SLC4A10: variants seen among roughly 807,000 people sequenced by gnomAD.
The protein encoded by SLC4A10 is sodium-driven chloride bicarbonate exchanger.
Under a neutral mutation model 137.7 loss-of-function variants are expected in SLC4A10, and 42 were observed. The observed-to-expected ratio is 0.30, with a 90% confidence interval of 0.24 to 0.39. The LOEUF (loss-of-function observed/expected upper bound fraction) is 0.39. Ranked by LOEUF, SLC4A10 falls within the 10% of genes least tolerant of loss-of-function variation. The pLI is 1.00. For missense variants in SLC4A10, 925 were observed against 1,355.0 expected, an observed-to-expected ratio of 0.68 and a Z score of 4.98; for synonymous variants, 474 against 464.1, an observed-to-expected ratio of 1.02 and a Z score of -0.27.
intron 1 of SLC4A10, among the ~76,000 whole-genome samples, chr2:161,649,146 C>A (rs548694559): frequency 8.8e-4 from 134 of 152,242 alleles, no homozygotes; most frequent in Admixed American, 2.4e-3. Flanking sequence ...GGTGGTGGAT[C>A]CCTTTGACTC....
At chr2:161,937,113 A>T (rs545381873) in intron 15 of SLC4A10, among the ~76,000 whole-genome samples, 1 of 152,128 alleles carries the variant, frequency 6.6e-6, no homozygotes, top group South Asian at 2.1e-4. Context: ...GTTGAGGAGT[A>T]TGTTGTTTAA....
chr2:161,660,565 T>TTTCTTTCG (rs1558968723), intron 1 of SLC4A10, among the ~76,000 whole-genome samples: 2 of 82,152 alleles, frequency 2.4e-5, no homozygotes, highest in South Asian at 7.0e-4. Flanking sequence ...TATTTCTTTC[T>TTTCTTTCG]TTCTTTCTTT....
At chr2:161,915,312 C>A (rs1268530451) in intron 15 of SLC4A10, among the ~76,000 whole-genome samples, 1 of 152,190 alleles carries the variant, frequency 6.6e-6, no homozygotes, top group Non-Finnish European at 1.5e-5. Flanking sequence ...AAATTCTTTG[C>A]ATTCACCATC....
intron 3 of SLC4A10, among the ~76,000 whole-genome samples, chr2:161,824,268 A>G (rs1404464036): frequency 2.0e-5 from 3 of 152,206 alleles, no homozygotes; most frequent in Admixed American, 1.3e-4. Context: ...AAGCATCGTC[A>G]ATAATGTGGA....
intron 4 of SLC4A10, among the ~76,000 whole-genome samples, chr2:161,848,613 C>T (rs1233990859): frequency 1.3e-5 from 2 of 152,230 alleles, no homozygotes; most frequent in African/African-American, 4.8e-5. Flanking sequence ...AGCCAGTTAT[C>T]CCAGCAGCAT....
chr2:161,769,760 T>A (rs1263206350), intron 1 of SLC4A10, among the ~76,000 whole-genome samples: 1 of 151,864 alleles, frequency 6.6e-6, no homozygotes, highest in Non-Finnish European at 1.5e-5. Context: ...AAGATTGAGA[T>A]ATTGAAATTT....
intron 15 of SLC4A10, among the ~76,000 whole-genome samples, chr2:161,916,209 C>G (rs541710416): frequency 2.0e-5 from 3 of 152,260 alleles, no homozygotes; most frequent in Admixed American, 6.5e-5. Flanking sequence ...GTATTTTAGT[C>G]CATTTATGTT....
At chr2:161,785,104 A>T (rs1207947975) in intron 2 of SLC4A10, among the ~76,000 whole-genome samples, 4 of 151,792 alleles carry the variant, frequency 2.6e-5, no homozygotes, top group African/African-American at 9.7e-5. Context: ...TCTATGATAA[A>T]CAATTATATG....
chr2:161,826,653 G>A (rs62187702), intron 3 of SLC4A10, among the ~76,000 whole-genome samples: 10,123 of 152,220 alleles, frequency 0.067, 446 homozygotes, highest in East Asian at 0.15. Context: ...AAAGATAGAA[G>A]TTTGCTAAGG....
intron 1 of SLC4A10, among the ~76,000 whole-genome samples, chr2:161,736,553 A>G (rs985737978): frequency 6.6e-6 from 1 of 152,180 alleles, no homozygotes; most frequent in African/African-American, 2.4e-5. Context: ...TTCACAAGGT[A>G]GCAGGAAAGA....
chr2:161,975,694 C>T (rs1017372305), intron 24 of SLC4A10, among the ~76,000 whole-genome samples: 7 of 152,196 alleles, frequency 4.6e-5, no homozygotes, highest in Admixed American at 2.6e-4. Flanking sequence ...ATTTGTTCCT[C>T]TCCTGTGACC....
chr2:161,671,175 A>G (rs2039669960), intron 1 of SLC4A10, among the ~76,000 whole-genome samples: 1 of 152,168 alleles, frequency 6.6e-6, no homozygotes, highest in African/African-American at 2.4e-5. Context: ...GATCGATAGA[A>G]TTCAGACCCT....
intron 23 of SLC4A10, among the ~76,000 whole-genome samples, chr2:161,973,704 A>T (rs553020488): frequency 6.6e-6 from 1 of 152,318 alleles, no homozygotes; most frequent in South Asian, 2.1e-4. Context: ...CCAGACCAGC[A>T]TAATCAACAT....
rs367979628 is a variant in SLC4A10 at position 161,956,994 on chromosome 2, T to A, written c.2547T>A (p.Gly849=). Residue 849 remains glycine (G), a synonymous_variant, in exon 20 of 27, where the codon GGT becomes GGA. Coordinates refer to ENST00000446997, the MANE Select transcript of SLC4A10 (RefSeq NM_001178015.2). ...TTTCTTTCTTTTTTAAACAGAAAGG[T>A]TGTGGGTACCATCTGGACCTATTAA... ...INRKEHKLKK[G]CGYHLDLLMV... The A allele has an allele frequency of 2.5e-6, 4 of 1,573,286 alleles. No homozygotes were observed. Among genetic ancestry groups the A allele is most frequent in the Non-Finnish European group, 3.5e-6 (4 of 1,159,108 alleles).
At chr2:161,869,024 T>A (rs2060945340) in intron 6 of SLC4A10, among the ~76,000 whole-genome samples, 1 of 151,662 alleles carries the variant, frequency 6.6e-6, no homozygotes, top group Non-Finnish European at 1.5e-5. Flanking sequence ...GTAAGTACTG[T>A]GGTATAGCAC....
chr2:161,865,437 T>G (rs1363664174), intron 6 of SLC4A10, among the ~76,000 whole-genome samples: 1 of 152,052 alleles, frequency 6.6e-6, no homozygotes, highest in Non-Finnish European at 1.5e-5. Context: ...CAATCAGCCT[T>G]TATCTGAACA....
At chr2:161,905,974 C>T in intron 15 of SLC4A10, 87 bp downstream of exon 15, 19 of 1,463,238 alleles carry the variant, frequency 1.3e-5, no homozygotes, top group Non-Finnish European at 1.7e-5. Flanking sequence ...AATTACTCAG[C>T]AGAGAATGTG....
At chr2:161,956,236 TATC>T (rs1199247943) in intron 19 of SLC4A10, among the ~76,000 whole-genome samples, 1 of 152,184 alleles carries the variant, frequency 6.6e-6, no homozygotes, top group South Asian at 2.1e-4. Flanking sequence ...TGCCTTCTAC[TATC>T]ATCATCATCG....
At chr2:161,880,022 C>T (rs2061669020) in intron 9 of SLC4A10, among the ~76,000 whole-genome samples, 1 of 151,974 alleles carries the variant, frequency 6.6e-6, no homozygotes, top group Non-Finnish European at 1.5e-5. Context: ...AGAAAGGAAA[C>T]ACAGAATATT....
Sources: gnomAD v4.1 joint callset for allele counts (sites outside exome capture counted in the v4.1 genomes callset) on GRCh38, gnomAD v4.1.1 for gene constraint, MANE v1.5 for transcripts, NCBI Gene and HGNC (gene_info 2026-07-23, HGNC 2026-07-21) for gene names.